The following PGS1 variants were observed in gnomAD, a reference collection of about 807,000 sequenced individuals.
PGS1 encodes CDP-diacylglycerol--glycerol-3-phosphate 3-phosphatidyltransferase, mitochondrial.
PGS1 carries 44 observed loss-of-function variants against 58.3 expected under a neutral mutation model. The ratio of observed to expected loss-of-function variants is 0.75; its 90% CI spans 0.59 to 0.97. The LOEUF (loss-of-function observed/expected upper bound fraction) is 0.97, where lower values mean the gene tolerates loss of function less well. Among genes scored for constraint, PGS1 ranks in the 50% least tolerant of loss-of-function variants. The pLI is 0.00. For missense variants in PGS1, 684 were observed against 731.1 expected (o/e 0.94, Z 0.74); for synonymous variants, 330 against 311.0 (o/e 1.06, Z -0.64).
intron 1 of PGS1, among the ~76,000 whole-genome samples, chr17:78,391,943 GAA>G (rs2082866418): frequency 6.6e-6 from 1 of 152,206 alleles, no homozygotes; most frequent in Non-Finnish European, 1.5e-5. Context: ...TTTTTAAAGA[GAA>G]AAGTTTCTTT....
At chr17:78,408,166 A>G (rs909006495) in intron 7 of PGS1, among the ~76,000 whole-genome samples, 3 of 152,258 alleles carry the variant, frequency 2.0e-5, no homozygotes, top group African/African-American at 7.2e-5. Flanking sequence ...AGCTGTTTCA[A>G]AGAACCAGAG....
intron 1 of PGS1, among the ~76,000 whole-genome samples, chr17:78,384,195 G>C (rs1016881732): frequency 6.6e-6 from 1 of 152,204 alleles, no homozygotes; most frequent in Non-Finnish European, 1.5e-5. Flanking sequence ...GCTGCATGCT[G>C]GCAGCCTGGG....
At chr17:78,383,523 G>C (rs1231483121) in intron 1 of PGS1, among the ~76,000 whole-genome samples, 1 of 152,220 alleles carries the variant, frequency 6.6e-6, no homozygotes, top group African/African-American at 2.4e-5. Context: ...ACCGTGCCCG[G>C]CCTAGACTTT....
intron 9 of PGS1, chr17:78,420,289 C>G: frequency 1.1e-6 from 1 of 912,546 alleles, no homozygotes. Flanking sequence ...TGCCGCTTCA[C>G]CAGAGGCACC....
chr17:78,403,483 C>T, intron 6 of PGS1, 85 bp from the exon 7 acceptor site: 3 of 1,390,674 alleles, frequency 2.2e-6, no homozygotes, highest in South Asian at 2.6e-5. Context: ...CTGCACTTGC[C>T]TATCACATGC....
Position 78,424,466 on chromosome 17 carries a change from C to T in PGS1, c.*416C>T. 1 of 335,950 alleles carries T rather than the reference C, an allele frequency of 3.0e-6. No homozygotes were observed. Among genetic ancestry groups the T allele is most frequent in the Non-Finnish European group, 5.5e-6 (1 of 181,318 alleles). 20.8% of individuals were successfully genotyped at this position (335,950 alleles called of 1,614,324 possible). A position where few individuals can be genotyped will look rare whatever the true frequency, so the allele number is the denominator to read the frequency against. ...CAGTGGCAGGAAGTCATAACTCCAG[C>T]TAAAAATTACAGAGTAAAGTTCCCT... On this transcript the variant is annotated 3_prime_UTR_variant, in exon 10 of 10. Transcript: ENST00000262764.
chr17:78,389,648 CTG>C (rs1399723938), intron 1 of PGS1, among the ~76,000 whole-genome samples: 15 of 151,054 alleles, frequency 9.9e-5, no homozygotes, highest in Non-Finnish European at 2.2e-4. Flanking sequence ...AAGTCTCACT[CTG>C]TCACTCAGGC....
intron 9 of PGS1, chr17:78,420,662 TAAGTCTCATTGTTTAA>T (rs1181492837): frequency 6.6e-6 from 1 of 152,238 alleles, no homozygotes; most frequent in Non-Finnish European, 1.5e-5. Context: ...AGTGCTCTGC[TAAGTCTCATTGTTTAA>T]AAATGTGTAG....
rs199669660 is a variant in PGS1, at chr17:78,423,965, T to C, written c.*11-96T>C. ...ATCCACTTCGCTGCCTTCTCTTTGGTCTTCAAGTTAAAGGTCCAGACATAG... is the reference window on the plus strand; with the variant it reads ...ATCCACTTCGCTGCCTTCTCTTTGGCCTTCAAGTTAAAGGTCCAGACATAG... On this transcript the variant is annotated intron_variant, in intron 9 of 9. Transcript: ENST00000262764. 188 of 1,613,862 alleles carry C rather than the reference T, an allele frequency of 1.2e-4. 1 individual carries two copies. Among genetic ancestry groups the C allele is most frequent in the Non-Finnish European group, 1.1e-4 (127 of 1,179,888 alleles).
intron 7 of PGS1, 40 bp downstream of exon 7, chr17:78,404,129 A>T (rs1476648339): frequency 4.1e-6 from 6 of 1,472,370 alleles, no homozygotes; most frequent in Non-Finnish European, 5.4e-6. Context: ...AGTGTGGGAC[A>T]GCCACAAACA....
chr17:78,406,013 C>T (rs1222490252), intron 7 of PGS1, among the ~76,000 whole-genome samples: 3 of 151,986 alleles, frequency 2.0e-5, no homozygotes, highest in Non-Finnish European at 4.4e-5. Flanking sequence ...TTGGGGGATG[C>T]GTTGTAAGAA....
At chr17:78,409,575 C>T (rs1424192084) in intron 7 of PGS1, among the ~76,000 whole-genome samples, 1 of 152,216 alleles carries the variant, frequency 6.6e-6, no homozygotes, top group African/African-American at 2.4e-5. Flanking sequence ...GTGCAAATTG[C>T]TTGCTTCAGG....
At chr17:78,420,326 AC>A in intron 9 of PGS1, 1 of 682,590 alleles carries the variant, frequency 1.5e-6, no homozygotes, top group Non-Finnish European at 1.8e-6. Flanking sequence ...CACCTGAGGT[AC>A]CCCTGGACTG....
At chr17:78,413,251 G>C (rs993257440) in intron 7 of PGS1, among the ~76,000 whole-genome samples, 4 of 152,238 alleles carry the variant, frequency 2.6e-5, no homozygotes, top group African/African-American at 9.6e-5. Flanking sequence ...AAATGCTCTT[G>C]CTCTGAGTGA....
Position 78,424,415 on chromosome 17 carries a change from A to T in PGS1, c.*365A>T, listed in dbSNP as rs1280587447. ...ATCCGTTTAAATCTGTGGCATTTTC[A>T]GAGCCTCATCTGTCAGCCTTAATGT... On this transcript the variant is annotated 3_prime_UTR_variant, in exon 10 of 10. Transcript: ENST00000262764. The T allele has an allele frequency of 4.6e-6, 2 of 437,166 alleles. No homozygotes were observed. The highest frequency in any genetic ancestry group is 8.2e-6 in the Non-Finnish European group (2 of 243,404). 27.1% of individuals were successfully genotyped at this position (437,166 alleles called of 1,614,324 possible).
chr17:78,397,179 G>A (rs528072524), intron 3 of PGS1, among the ~76,000 whole-genome samples: 6 of 149,508 alleles, frequency 4.0e-5, no homozygotes, highest in African/African-American at 7.3e-5. Flanking sequence ...TGGGGCCAGC[G>A]CAGGTTCTGG....
intron 1 of PGS1, among the ~76,000 whole-genome samples, chr17:78,385,020 T>C (rs2082281723): frequency 6.6e-6 from 1 of 152,240 alleles, no homozygotes; most frequent in Admixed American, 6.5e-5. Context: ...GGGGTGCCAG[T>C]GTTTTCCATG....
intron 1 of PGS1, among the ~76,000 whole-genome samples, chr17:78,385,151 C>T (rs537670022): frequency 4.7e-4 from 72 of 152,326 alleles, no homozygotes; most frequent in Non-Finnish European, 9.1e-4. Context: ...TGGAGTCTTG[C>T]TCTGTCGCCC....
chr17:78,419,601 A>G lies in PGS1; in HGVS notation c.1607A>G (p.Gln536Arg), dbSNP rs746148130. 6.5e-5 allele frequency: 105 copies of G among 1,614,022 alleles called. No homozygotes were observed. Among genetic ancestry groups the G allele is most frequent in the Non-Finnish European group, 8.7e-5 (103 of 1,179,990 alleles). The change falls in exon 9 of 10, where the codon CAG becomes CGG. Residue 536 changes from glutamine (Q) to arginine (R), a missense_variant. By Grantham distance (43) the Gln-to-Arg change is conservative. Coordinates refer to ENST00000262764, the MANE Select transcript of PGS1 (RefSeq NM_024419.5). ...SGVVSSATFE[Q>R]PSRQVKLWVK... ...GTGGTGTCCTCTGCCACCTTCGAGC[A>G]GCCGAGTCGCCAGGTGAAGCTGTGG...
Sources: gnomAD v4.1 joint callset for allele counts (sites outside exome capture counted in the v4.1 genomes callset) on GRCh38, gnomAD v4.1.1 for gene constraint, MANE v1.5 for transcripts, NCBI Gene and HGNC (gene_info 2026-07-23, HGNC 2026-07-21) for gene names.